Variants in PEAK1 observed in about 807,000 individuals in gnomAD.
The protein encoded by PEAK1 is inactive tyrosine-protein kinase PEAK1.
PEAK1 carries 54 observed loss-of-function variants against 124.7 expected under a neutral mutation model. The ratio of observed to expected loss-of-function variants is 0.43; its 90% CI spans 0.35 to 0.54. PEAK1 has a LOEUF of 0.54. Ranked by LOEUF, PEAK1 falls within the 20% of genes least tolerant of loss-of-function variation. The probability of loss-of-function intolerance (pLI) is 0.01; values close to 1 mark genes in which losing one functional copy is unlikely to be tolerated. For synonymous variants in PEAK1, 719 were observed against 760.0 expected (o/e 0.95, Z 0.89); for missense variants, 2,046 against 2,134.5 (o/e 0.96, Z 0.82).
At chr15:77,406,049 T>C (rs918564295) in intron 1 of PEAK1, among the ~76,000 whole-genome samples, 2 of 152,214 alleles carry the variant, frequency 1.3e-5, no homozygotes, top group Admixed American at 6.5e-5. Flanking sequence ...TTTGCTGTTA[T>C]GCTGCATAGA....
At chr15:77,224,509 CTTAT>C (rs1340222800) in intron 6 of PEAK1, among the ~76,000 whole-genome samples, 3 of 151,996 alleles carry the variant, frequency 2.0e-5, no homozygotes, top group African/African-American at 7.2e-5. Context: ...TAAAGTCTGC[CTTAT>C]TTGAGTAAGC....
At chr15:77,366,298 T>G (rs1464788146) in intron 1 of PEAK1, among the ~76,000 whole-genome samples, 1 of 152,284 alleles carries the variant, frequency 6.6e-6, no homozygotes, top group African/African-American at 2.4e-5. Flanking sequence ...GCAGTCATTA[T>G]GGAGTTCACT....
At chr15:77,276,104 C>A (rs148353245) in intron 5 of PEAK1, among the ~76,000 whole-genome samples, 1 of 151,926 alleles carries the variant, frequency 6.6e-6, no homozygotes, top group Non-Finnish European at 1.5e-5. Context: ...TTTGGTGACT[C>A]GTGAAACTAT....
chr15:77,418,343 A>T, intron 1 of PEAK1: 1 of 985,352 alleles, frequency 1.0e-6, no homozygotes, highest in Non-Finnish European at 1.2e-6. Flanking sequence ...AAATAATTTG[A>T]CATTTTTTCC....
chr15:77,141,846 A>G (rs748898191), intron 8 of PEAK1, among the ~76,000 whole-genome samples: 8 of 152,180 alleles, frequency 5.3e-5, no homozygotes, highest in Non-Finnish European at 1.2e-4. Context: ...TTAACTAAAA[A>G]TGTATGAAAA....
chr15:77,238,162 C>T (rs1030224213), intron 6 of PEAK1, among the ~76,000 whole-genome samples: 9 of 152,014 alleles, frequency 5.9e-5, no homozygotes, highest in African/African-American at 2.4e-5. Context: ...ATCATGAGTA[C>T]TGCATGTCTA....
intron 6 of PEAK1, among the ~76,000 whole-genome samples, chr15:77,222,932 C>T (rs2059454690): frequency 6.6e-6 from 1 of 152,020 alleles, no homozygotes; most frequent in Admixed American, 6.6e-5. Context: ...TAGACTTCTG[C>T]CACTCAAAAT....
At chr15:77,319,659 C>A (rs2065077109) in intron 2 of PEAK1, among the ~76,000 whole-genome samples, 1 of 152,284 alleles carries the variant, frequency 6.6e-6, no homozygotes, top group South Asian at 2.1e-4. Context: ...CCAACCACTT[C>A]AACTAGCCAA....
chr15:77,248,328 A>G (rs1365625479), intron 6 of PEAK1, among the ~76,000 whole-genome samples: 1 of 152,234 alleles, frequency 6.6e-6, no homozygotes, highest in African/African-American at 2.4e-5. Context: ...CATATATAAA[A>G]TGGAAATATT....
upstream of PEAK1, chr15:77,420,700 C>T: frequency 2.5e-6 from 1 of 395,114 alleles, no homozygotes. Context: ...TAGTCCTTCG[C>T]CGCATTGGGG....
chr15:77,160,343 A>G (rs2055521698), intron 7 of PEAK1, among the ~76,000 whole-genome samples: 1 of 152,218 alleles, frequency 6.6e-6, no homozygotes, highest in South Asian at 2.1e-4. Flanking sequence ...AATAGAAACC[A>G]TTTCTAGTTT....
At chr15:77,344,525 A>G (rs564570945) in intron 2 of PEAK1, among the ~76,000 whole-genome samples, 106 of 152,340 alleles carry the variant, frequency 7.0e-4, no homozygotes, top group African/African-American at 2.4e-3. Flanking sequence ...TCTTCTTTTC[A>G]AGATTGTTTT....
At chr15:77,116,722 ATC>A (rs2051417480) in intron 9 of PEAK1, among the ~76,000 whole-genome samples, 1 of 151,242 alleles carries the variant, frequency 6.6e-6, no homozygotes, top group South Asian at 2.1e-4. Context: ...CTATCTATCT[ATC>A]TATCTATCTA....
chr15:77,254,327 C>G (rs1442699195), intron 5 of PEAK1, among the ~76,000 whole-genome samples: 1 of 152,076 alleles, frequency 6.6e-6, no homozygotes, highest in Admixed American at 6.6e-5. Context: ...AGTTTGACTG[C>G]TTATTATTTC....
intron 5 of PEAK1, among the ~76,000 whole-genome samples, chr15:77,281,833 TAAC>T (rs2062691275): frequency 6.6e-6 from 1 of 152,198 alleles, no homozygotes; most frequent in African/African-American, 2.4e-5. Context: ...TAAATTCAAA[TAAC>T]TGGGCAACTC....
chr15:77,193,831 CTAAA>C (rs2057973761), intron 6 of PEAK1, among the ~76,000 whole-genome samples: 2 of 151,636 alleles, frequency 1.3e-5, no homozygotes, highest in African/African-American at 2.4e-5. Flanking sequence ...CTAAACTAAA[CTAAA>C]CTAAACTAAA....
chr15:77,379,316 T>C (rs1476978150), intron 1 of PEAK1, among the ~76,000 whole-genome samples: 3 of 152,166 alleles, frequency 2.0e-5, no homozygotes, highest in Non-Finnish European at 4.4e-5. Context: ...GCATTCTCTA[T>C]TGAACTAAAA....
At chr15:77,243,615 A>C (rs1016645028) in intron 6 of PEAK1, among the ~76,000 whole-genome samples, 1 of 152,244 alleles carries the variant, frequency 6.6e-6, no homozygotes, top group South Asian at 2.1e-4. Flanking sequence ...TGCTTTAAGG[A>C]AAGTGTGACT....
intron 2 of PEAK1, among the ~76,000 whole-genome samples, chr15:77,328,070 T>A (rs1471891564): frequency 6.6e-6 from 1 of 152,144 alleles, no homozygotes; most frequent in Non-Finnish European, 1.5e-5. Context: ...TGATAATGGA[T>A]CCTTCACTCT....
Sources: gnomAD v4.1 joint callset for allele counts (sites outside exome capture counted in the v4.1 genomes callset) on GRCh38, gnomAD v4.1.1 for gene constraint, MANE v1.5 for transcripts, NCBI Gene and HGNC (gene_info 2026-07-23, HGNC 2026-07-21) for gene names.